FMN1: variants seen among roughly 807,000 people sequenced by gnomAD.
FMN1 encodes formin-1.
A neutral mutation model predicts 132.4 loss-of-function variants in FMN1; 110 were observed. The ratio of observed to expected loss-of-function variants is 0.83; its 90% CI spans 0.71 to 0.97. The LOEUF (loss-of-function observed/expected upper bound fraction) is 0.97. Among genes scored for constraint, FMN1 ranks in the 50% least tolerant of loss-of-function variants. The probability of loss-of-function intolerance (pLI) is 0.00; values close to 1 mark genes in which losing one functional copy is unlikely to be tolerated. For missense variants in FMN1, 1,792 were observed against 1,705.3 expected (o/e 1.05, Z -0.90); for synonymous variants, 722 against 651.7 (o/e 1.11, Z -1.64).
intron 6 of FMN1, among the ~76,000 whole-genome samples, chr15:33,009,875 T>C (rs1332758654): frequency 6.6e-6 from 1 of 152,062 alleles, no homozygotes; most frequent in Non-Finnish European, 1.5e-5. Context: ...TGCATCAACA[T>C]GGAGGAATCT....
intron 5 of FMN1, among the ~76,000 whole-genome samples, chr15:33,082,520 T>C (rs1201695384): frequency 1.3e-5 from 2 of 152,148 alleles, no homozygotes; most frequent in Non-Finnish European, 2.9e-5. Context: ...CAAACTATTC[T>C]CCATGGTGAG....
intron 7 of FMN1, among the ~76,000 whole-genome samples, chr15:32,969,818 ATATC>A (rs796480781): frequency 1.4e-4 from 21 of 152,306 alleles, no homozygotes; most frequent in African/African-American, 4.8e-4. Flanking sequence ...ACATGCTTGA[ATATC>A]TATCTGTTTT....
At position 33,075,674 on chromosome 15, in the gene FMN1, A is replaced by G. The variant is rs183945661; in HGVS notation, c.2044-10600T>C. ...TAAACCAACTCAGTTATTTGAGAGAAAAAAAAAATCCATGAATTTGGGGTT... is the reference window on the plus strand; with the variant it reads ...TAAACCAACTCAGTTATTTGAGAGAGAAAAAAAATCCATGAATTTGGGGTT... On this transcript the variant is annotated intron_variant, in intron 5 of 20. Coordinates refer to ENST00000616417, the MANE Select transcript of FMN1 (RefSeq NM_001277313.2). Among the ~76,000 whole-genome samples the G allele has an allele frequency of 1.1e-3, 161 of 151,730 alleles. 1 individual carries two copies. The highest frequency in any genetic ancestry group is 3.7e-3 in the African/African-American group (152 of 41,386).
chr15:32,835,357 A>G (rs539948903), intron 17 of FMN1, among the ~76,000 whole-genome samples: 10 of 152,212 alleles, frequency 6.6e-5, no homozygotes, highest in Non-Finnish European at 1.5e-4. Context: ...CCTCTTCCAA[A>G]GTGAAATATC....
intron 4 of FMN1, among the ~76,000 whole-genome samples, chr15:33,111,203 T>A (rs2039689066): frequency 6.6e-6 from 1 of 152,172 alleles, no homozygotes; most frequent in African/African-American, 2.4e-5. Flanking sequence ...GTAAAATGCT[T>A]TCAACCCTAC....
At position 33,088,965 on chromosome 15, in the gene FMN1, G is replaced by T; in HGVS notation, c.1877C>A (p.Ser626Tyr). 1 of 1,534,338 alleles carries T rather than the reference G, an allele frequency of 6.5e-7. No individual in the cohort carries two copies. The highest frequency in any genetic ancestry group is 8.7e-7 in the Non-Finnish European group (1 of 1,146,392). ...PQHQSPPGIS[S>Y]EGFPWDGFNE... ...GAAGCCGTCCCAGGGAAAGCCCTCAGAGGAGATACCTAAACAAACACAGAG... is the reference window on the plus strand; with the variant it reads ...GAAGCCGTCCCAGGGAAAGCCCTCATAGGAGATACCTAAACAAACACAGAG... Residue 626 changes from serine to tyrosine, a missense_variant, in exon 5 of 21, where the codon TCT (serine) becomes TAT (tyrosine). By Grantham distance (144) the Ser-to-Tyr change is moderately radical. Transcript: ENST00000616417.
At chr15:32,872,967 A>G (rs537416051) in intron 16 of FMN1, among the ~76,000 whole-genome samples, 1 of 152,300 alleles carries the variant, frequency 6.6e-6, no homozygotes, top group African/African-American at 2.4e-5. Flanking sequence ...AGTTATTTTT[A>G]AAACACACAA....
intron 5 of FMN1, among the ~76,000 whole-genome samples, chr15:33,070,403 T>C (rs1431781256): frequency 7.0e-6 from 1 of 142,188 alleles, no homozygotes; most frequent in Admixed American, 7.2e-5. Context: ...TTTTTTTTTT[T>C]TATGAACTGA....
intron 16 of FMN1, among the ~76,000 whole-genome samples, chr15:32,868,936 T>C (rs762699858): frequency 4.6e-5 from 7 of 152,124 alleles, no homozygotes; most frequent in Non-Finnish European, 8.8e-5. Flanking sequence ...AATTGTGATA[T>C]AGTGTGGTGT....
chr15:33,009,668 T>C (rs1288048610), intron 6 of FMN1, among the ~76,000 whole-genome samples: 1 of 152,202 alleles, frequency 6.6e-6, no homozygotes, highest in East Asian at 1.9e-4. Context: ...ATCTCCACAA[T>C]AACCCTATGA....
At chr15:33,112,722 C>T (rs1188492530) in intron 4 of FMN1, among the ~76,000 whole-genome samples, 3 of 152,074 alleles carry the variant, frequency 2.0e-5, no homozygotes, top group Admixed American at 6.6e-5. Flanking sequence ...GTCACGGCTG[C>T]CCAATCAACA....
intron 10 of FMN1, among the ~76,000 whole-genome samples, chr15:32,910,746 C>A (rs891018919): frequency 6.6e-6 from 1 of 152,238 alleles, no homozygotes; most frequent in Non-Finnish European, 1.5e-5. Context: ...TTGGCTCTGC[C>A]TTGTTTAATT....
intron 6 of FMN1, among the ~76,000 whole-genome samples, chr15:33,040,560 T>C (rs903639888): frequency 6.6e-6 from 1 of 152,202 alleles, no homozygotes; most frequent in African/African-American, 2.4e-5. Flanking sequence ...ACCAATGAAT[T>C]AGACACTAAT....
chr15:32,957,892 C>T (rs927084130), intron 9 of FMN1, among the ~76,000 whole-genome samples: 1 of 152,118 alleles, frequency 6.6e-6, no homozygotes, highest in Non-Finnish European at 1.5e-5. Context: ...CCATTGACAG[C>T]TGGTATCTTG....
At chr15:32,931,110 T>C (rs2061104883) in intron 9 of FMN1, among the ~76,000 whole-genome samples, 2 of 152,194 alleles carry the variant, frequency 1.3e-5, no homozygotes, top group Non-Finnish European at 2.9e-5. Flanking sequence ...GCAATTTGTT[T>C]TGAATTCAGA....
chr15:32,915,433 T>A (rs76956855), intron 10 of FMN1, among the ~76,000 whole-genome samples: 1 of 152,222 alleles, frequency 6.6e-6, no homozygotes, highest in Non-Finnish European at 1.5e-5. Context: ...ATGATCACAA[T>A]GTGGAAAGAA....
At chr15:33,013,892 T>G (rs2034883809) in intron 6 of FMN1, among the ~76,000 whole-genome samples, 1 of 152,244 alleles carries the variant, frequency 6.6e-6, no homozygotes, top group African/African-American at 2.4e-5. Context: ...AGACTATATT[T>G]TGCAATGATT....
At chr15:33,007,504 A>AT (rs1416968676) in intron 7 of FMN1, among the ~76,000 whole-genome samples, 12 of 152,080 alleles carry the variant, frequency 7.9e-5, no homozygotes, top group African/African-American at 2.7e-4. Flanking sequence ...ACAAGGGAGG[A>AT]TCAGGTCAAC....
At chr15:32,909,703 AC>A (rs772258726) in intron 11 of FMN1, among the ~76,000 whole-genome samples, 1 of 152,188 alleles carries the variant, frequency 6.6e-6, no homozygotes. Flanking sequence ...CAGTCAGTGA[AC>A]CAAAACAATG....
Sources: allele counts gnomAD v4.1 joint callset (sites outside exome capture counted in the v4.1 genomes callset), GRCh38; gene constraint gnomAD v4.1.1; transcripts MANE v1.5; gene names NCBI Gene and HGNC (gene_info 2026-07-23, HGNC 2026-07-21).